The following PTPRT variants were observed in gnomAD, a reference collection of about 807,000 sequenced individuals.
PTPRT encodes the protein receptor-type tyrosine-protein phosphatase T.
A neutral mutation model predicts 176.8 loss-of-function variants in PTPRT; 56 were observed. That is an observed-to-expected ratio of 0.32 (90% confidence interval 0.26 to 0.40). PTPRT has a LOEUF of 0.40. Among genes scored for constraint, PTPRT ranks in the 10% least tolerant of loss-of-function variants. The pLI is 1.00. For synonymous variants in PTPRT, 783 were observed against 739.0 expected (o/e 1.06, Z -0.96); for missense variants, 1,540 against 1,908.2 (o/e 0.81, Z 3.60).
chr20:42,600,624 C>A (rs2073762854), intron 7 of PTPRT, among the ~76,000 whole-genome samples: 1 of 152,108 alleles, frequency 6.6e-6, no homozygotes, highest in Admixed American at 6.6e-5. Context: ...ACCCTCCTAC[C>A]TTTTAGGGTT....
At chr20:42,152,909 T>C (rs1382793247) in intron 17 of PTPRT, among the ~76,000 whole-genome samples, 1 of 152,224 alleles carries the variant, frequency 6.6e-6, no homozygotes, top group East Asian at 1.9e-4. Flanking sequence ...TCTCCTTTCA[T>C]AGGCAGGCAT....
chr20:43,007,500 A>G (rs1333518857), intron 1 of PTPRT, among the ~76,000 whole-genome samples: 1 of 152,246 alleles, frequency 6.6e-6, no homozygotes, highest in Non-Finnish European at 1.5e-5. Flanking sequence ...TGATTTAGAT[A>G]AAGATCTAGA....
chr20:42,852,512 T>C lies in PTPRT; in HGVS notation c.214+33295A>G, dbSNP rs76537431. Among the ~76,000 whole-genome samples, 907 of 152,350 alleles carry C rather than the reference T, an allele frequency of 6.0e-3. 33 individuals carry two copies. The East Asian group carries it at 0.094, about 16-fold the overall frequency. ...CCCTAAAACCTCTTGCTAATGCCAATGGGTTCTTCTTTGATGCCTCCTTCA... is the reference window on the plus strand; with the variant it reads ...CCCTAAAACCTCTTGCTAATGCCAACGGGTTCTTCTTTGATGCCTCCTTCA... On this transcript the variant is annotated intron_variant, in intron 2 of 30. Transcript: ENST00000373187.
At chr20:42,399,036 C>T (rs1007813593) in intron 9 of PTPRT, among the ~76,000 whole-genome samples, 4 of 152,226 alleles carry the variant, frequency 2.6e-5, no homozygotes, top group Non-Finnish European at 4.4e-5. Flanking sequence ...AAGGTGGCCC[C>T]AGACACTGGG....
At chr20:42,993,580 A>ACATATATGTGTGTGTAT (rs1568722811) in intron 1 of PTPRT, among the ~76,000 whole-genome samples, 3 of 148,070 alleles carry the variant, frequency 2.0e-5, no homozygotes, top group African/African-American at 2.6e-5. Context: ...ATATATATAC[A>ACATATATGTGTGTGTAT]ATCTGCCATA....
chr20:42,228,124 G>A (rs915295405), intron 15 of PTPRT, among the ~76,000 whole-genome samples: 8 of 152,184 alleles, frequency 5.3e-5, no homozygotes, highest in African/African-American at 1.9e-4. Flanking sequence ...CTAATACCTG[G>A]TTGGTATTAT....
At chr20:42,630,176 A>C (rs1275429150) in intron 7 of PTPRT, among the ~76,000 whole-genome samples, 1 of 152,072 alleles carries the variant, frequency 6.6e-6, no homozygotes, top group Admixed American at 6.6e-5. Flanking sequence ...GCTACCTTTG[A>C]AGATAGAGGA....
intron 16 of PTPRT, among the ~76,000 whole-genome samples, chr20:42,170,900 T>C (rs1990052391): frequency 6.6e-6 from 1 of 152,144 alleles, no homozygotes; most frequent in Non-Finnish European, 1.5e-5. Context: ...AACTTAAAAA[T>C]AGAGCCTATA....
chr20:42,225,800 GCA>G (rs1358362443), intron 15 of PTPRT, among the ~76,000 whole-genome samples: 1 of 152,128 alleles, frequency 6.6e-6, no homozygotes, highest in African/African-American at 2.4e-5. Flanking sequence ...CTGGAGGTGT[GCA>G]CCACCCCACC....
At chr20:42,662,099 G>T (rs2075233858) in intron 7 of PTPRT, among the ~76,000 whole-genome samples, 1 of 152,160 alleles carries the variant, frequency 6.6e-6, no homozygotes, top group South Asian at 2.1e-4. Flanking sequence ...TAGGGCCTAG[G>T]TAATGAGAGA....
At chr20:42,843,896 G>GA (rs530530011) in intron 2 of PTPRT, among the ~76,000 whole-genome samples, 179 of 152,262 alleles carry the variant, frequency 1.2e-3, no homozygotes, top group Middle Eastern at 0.01. Flanking sequence ...AACCAGCCAG[G>GA]AAAAAATAAT....
chr20:42,520,554 C>T (rs901400070), intron 7 of PTPRT, among the ~76,000 whole-genome samples: 9 of 152,076 alleles, frequency 5.9e-5, no homozygotes, highest in African/African-American at 1.9e-4. Flanking sequence ...TGTCTCCAGC[C>T]TACTACTCTC....
intron 13 of PTPRT, among the ~76,000 whole-genome samples, chr20:42,263,956 A>G (rs1044183555): frequency 6.6e-6 from 1 of 152,090 alleles, no homozygotes; most frequent in Non-Finnish European, 1.5e-5. Context: ...CCCAGACATG[A>G]GTTGTAGCAG....
intron 9 of PTPRT, among the ~76,000 whole-genome samples, chr20:42,397,961 C>T (rs2058867730): frequency 6.6e-6 from 1 of 152,082 alleles, no homozygotes; most frequent in Admixed American, 6.6e-5. Context: ...CTTATGTCAT[C>T]AAAATCATAA....
At chr20:42,654,800 G>T (rs1036603253) in intron 7 of PTPRT, among the ~76,000 whole-genome samples, 1 of 152,206 alleles carries the variant, frequency 6.6e-6, no homozygotes, top group African/African-American at 2.4e-5. Flanking sequence ...TAAGTAGTGA[G>T]ATGAGAGTTT....
chr20:42,125,136 T>A (rs1446764306), intron 19 of PTPRT, among the ~76,000 whole-genome samples: 1 of 152,124 alleles, frequency 6.6e-6, no homozygotes, highest in East Asian at 1.9e-4. Context: ...GACTCCCTAC[T>A]ATTGTTAGCC....
At position 42,232,503 on chromosome 20, in the gene PTPRT, G is replaced by A. The variant is rs897280730; in HGVS notation, c.2342+3726C>T. Among the ~76,000 whole-genome samples the A allele has an allele frequency of 5.3e-5, 8 of 152,310 alleles. No homozygotes were observed. In the South Asian group the frequency reaches 1.0e-3, roughly 20 times the overall value. The stretch of plus-strand genomic sequence containing the variant: ...TGGTCCAGGGTCCACACACTGAAGA[G>A]TGAGGCTTCAAGGCTCCCCCTCGGG... On this transcript the variant is annotated intron_variant, in intron 15 of 30. Transcript: ENST00000373187.
At chr20:42,725,950 G>A (rs980887550) in intron 6 of PTPRT, among the ~76,000 whole-genome samples, 1 of 151,822 alleles carries the variant, frequency 6.6e-6, no homozygotes, top group African/African-American at 2.4e-5. Flanking sequence ...AGATAAATTG[G>A]TATAATTTGC....
intron 1 of PTPRT, among the ~76,000 whole-genome samples, chr20:43,164,555 G>A (rs1256369109): frequency 6.6e-6 from 1 of 152,160 alleles, no homozygotes; most frequent in African/African-American, 2.4e-5. Context: ...AGGTCTTGAG[G>A]GAGACAGAGG....
Sources: gnomAD v4.1 joint callset for allele counts (sites outside exome capture counted in the v4.1 genomes callset) on GRCh38, gnomAD v4.1.1 for gene constraint, MANE v1.5 for transcripts, NCBI Gene and HGNC (gene_info 2026-07-23, HGNC 2026-07-21) for gene names.